MYT1L: variants seen among roughly 807,000 people sequenced by gnomAD.
MYT1L encodes myelin transcription factor 1 like.
MYT1L carries 12 observed loss-of-function variants against 126.7 expected under a neutral mutation model. That is an observed-to-expected ratio of 0.09 (90% CI 0.06 to 0.15). MYT1L has a LOEUF of 0.15. Ranked by LOEUF, MYT1L falls within the 10% of genes least tolerant of loss-of-function variation. The pLI is 1.00. For missense variants in MYT1L, 979 were observed against 1,585.2 expected (o/e 0.62, Z 6.49); for synonymous variants, 541 against 604.2 (o/e 0.90, Z 1.53).
At chr2:1,967,556 T>C (rs2059463771) in intron 8 of MYT1L, among the ~76,000 whole-genome samples, 1 of 152,234 alleles carries the variant, frequency 6.6e-6, no homozygotes, top group Non-Finnish European at 1.5e-5. Flanking sequence ...AAGAAGCTTC[T>C]CTGCCAAAAC....
Position 1,791,316 on chromosome 2 carries a change from T to TA in MYT1L, c.*550dup, listed in dbSNP as rs1467978603. 14 of 450,684 alleles carry TA rather than the reference T, an allele frequency of 3.1e-5. No homozygotes were observed. Among genetic ancestry groups the TA allele is most frequent in the Middle Eastern group, 3.3e-4 (1 of 3,002 alleles). The allele number at this position is 450,684 out of a possible 1,614,324, so 27.9% of individuals were successfully genotyped here. On this transcript the variant is annotated 3_prime_UTR_variant, in exon 25 of 25. Transcript: ENST00000647738. This position sits in a 1 kb window ranked among gnomAD's most constrained non-coding sequence, Gnocchi z 6.0. ...AATATTTCCAAGCATTGTTCAAAAATAAAGCATTTTTGCAACGAATTCTTG... is the reference window on the plus strand; with the variant it reads ...AATATTTCCAAGCATTGTTCAAAAATAAAAGCATTTTTGCAACGAATTCTTG...
intron 2 of MYT1L, among the ~76,000 whole-genome samples, chr2:2,201,895 A>T (rs1188198355): frequency 2.0e-5 from 3 of 152,182 alleles, no homozygotes; most frequent in Non-Finnish European, 4.4e-5. Context: ...AGAAATACAG[A>T]CTTTTATTGG....
chr2:1,826,692 G>A (rs971393533), intron 21 of MYT1L, among the ~76,000 whole-genome samples: 10 of 152,158 alleles, frequency 6.6e-5, no homozygotes, highest in Admixed American at 4.6e-4. Context: ...GGCCGGCGTC[G>A]GGGAAAGCGG....
intron 8 of MYT1L, among the ~76,000 whole-genome samples, chr2:1,976,773 A>G (rs890180593): frequency 1.3e-5 from 2 of 152,210 alleles, no homozygotes; most frequent in African/African-American, 2.4e-5. Flanking sequence ...AGAAATTAAA[A>G]TTTTTCTTGA....
At chr2:2,167,185 T>G (rs1235811361) in intron 3 of MYT1L, among the ~76,000 whole-genome samples, 1 of 152,192 alleles carries the variant, frequency 6.6e-6, no homozygotes, top group East Asian at 1.9e-4. Flanking sequence ...TCAATGACCC[T>G]GTGACGTGGG....
intron 1 of MYT1L, among the ~76,000 whole-genome samples, chr2:2,306,525 GT>G (rs2095861571): frequency 6.6e-6 from 1 of 152,114 alleles, no homozygotes. Flanking sequence ...GCACTCATGT[GT>G]CCTAAGGGCC....
At chr2:2,264,051 G>A (rs1235546052) in intron 2 of MYT1L, among the ~76,000 whole-genome samples, 1 of 152,136 alleles carries the variant, frequency 6.6e-6, no homozygotes, top group African/African-American at 2.4e-5. Flanking sequence ...AGAAATTGGG[G>A]CTCAGGAAAG....
chr2:2,088,456 G>C (rs1402001972), intron 3 of MYT1L, among the ~76,000 whole-genome samples: 2 of 152,062 alleles, frequency 1.3e-5, no homozygotes, highest in African/African-American at 4.8e-5. Context: ...CTCACAGTAG[G>C]CTGTTGGCCT....
rs575341418 is a variant in MYT1L at position 2,275,216 on chromosome 2, G to A, written c.-421+9188C>T. On this transcript the variant is annotated intron_variant, in intron 2 of 24. Coordinates refer to ENST00000647738, the MANE Select transcript of MYT1L (RefSeq NM_001303052.2). ...ATAATAATAAAATGTGTGTGTGTGT[G>A]TGTGTGTGTGTGTGTGTGTGTGTGT... is the stretch of plus-strand genomic sequence containing the variant. Among the ~76,000 whole-genome samples, 6 of 151,488 alleles carry A rather than the reference G, an allele frequency of 4.0e-5. No individual in the cohort carries two copies. The East Asian group carries it at 1.2e-3, about 29-fold the overall frequency.
At chr2:2,226,591 G>A (rs1187421422) in intron 2 of MYT1L, among the ~76,000 whole-genome samples, 1 of 152,078 alleles carries the variant, frequency 6.6e-6, no homozygotes, top group African/African-American at 2.4e-5. Context: ...TTCTGCCTGT[G>A]ACCTCTCCAA....
chr2:2,154,149 A>G (rs1320786366), intron 3 of MYT1L, among the ~76,000 whole-genome samples: 2 of 151,782 alleles, frequency 1.3e-5, no homozygotes, highest in African/African-American at 4.8e-5. Context: ...CCTGTTCTCT[A>G]CTCCTGTTTG....
intron 18 of MYT1L, among the ~76,000 whole-genome samples, chr2:1,861,882 A>C (rs62114748): frequency 6.6e-6 from 1 of 150,618 alleles, no homozygotes; most frequent in Non-Finnish European, 1.5e-5. Flanking sequence ...AGCCTGTGTA[A>C]TCCTGGATCC....
chr2:2,032,016 G>A (rs187092632), intron 4 of MYT1L, among the ~76,000 whole-genome samples: 16 of 138,328 alleles, frequency 1.2e-4, no homozygotes, highest in African/African-American at 4.6e-4. Context: ...ATTCTAGAAC[G>A]AGGGCCTTAT....
chr2:1,977,981 A>T (rs550071761), intron 8 of MYT1L, among the ~76,000 whole-genome samples: 1 of 152,374 alleles, frequency 6.6e-6, no homozygotes, highest in African/African-American at 2.4e-5. Context: ...TAATAATTGA[A>T]ATTGCAAAAT....
At chr2:1,999,913 A>T (rs183903592) in intron 4 of MYT1L, among the ~76,000 whole-genome samples, 26 of 152,350 alleles carry the variant, frequency 1.7e-4, no homozygotes, top group Non-Finnish European at 2.9e-4. Context: ...ATAAATTCAA[A>T]TGCGTGTGAG....
Position 1,979,384 on chromosome 2 carries a change from T to C in MYT1L, c.89+137A>G. 1 of 1,119,336 alleles carries C rather than the reference T, an allele frequency of 8.9e-7. No individual in the cohort carries two copies. The highest frequency in any genetic ancestry group is 1.3e-5 in the South Asian group (1 of 78,210). 69.3% of individuals were successfully genotyped at this position (1,119,336 alleles called of 1,614,324 possible). A position where few individuals can be genotyped will look rare whatever the true frequency, so the allele number is the denominator to read the frequency against. On this transcript the variant is annotated intron_variant, in intron 7 of 24. Coordinates refer to ENST00000647738, the MANE Select transcript of MYT1L (RefSeq NM_001303052.2). The surrounding 1 kb of genome is among the most constrained non-coding windows in gnomAD (Gnocchi z 4.0). ...TTCGGGGAGGCTTTTTACGAGCAAG[T>C]CTCGGGGGAATTAATTTCATCAGTG...
chr2:2,263,318 C>T (rs1354903112), intron 2 of MYT1L, among the ~76,000 whole-genome samples: 2 of 151,922 alleles, frequency 1.3e-5, no homozygotes, highest in African/African-American at 4.8e-5. Context: ...CTCCCAGCTC[C>T]AGGGTTAACG....
At chr2:2,321,314 C>A (rs1056594390) in intron 1 of MYT1L, among the ~76,000 whole-genome samples, 2 of 152,196 alleles carry the variant, frequency 1.3e-5, no homozygotes, top group Non-Finnish European at 2.9e-5. Context: ...ATCTACCAGG[C>A]AGCTCCAGAG....
chr2:2,042,018 C>T (rs144388118), intron 4 of MYT1L, among the ~76,000 whole-genome samples: 131 of 152,226 alleles, frequency 8.6e-4, no homozygotes, highest in African/African-American at 1.0e-3. Flanking sequence ...GTTTTCAAGA[C>T]GGTAGATAGC....
Sources: allele counts gnomAD v4.1 joint callset (sites outside exome capture counted in the v4.1 genomes callset), GRCh38; gene constraint gnomAD v4.1.1; non-coding constraint Gnocchi (gnomAD v3.1); transcripts MANE v1.5; gene names NCBI Gene and HGNC (gene_info 2026-07-23, HGNC 2026-07-21).